The following SH3GL3 variants were observed in gnomAD, a reference collection of about 807,000 sequenced individuals.
SH3GL3 encodes the protein SH3 domain containing GRB2 like 3, endophilin A3, also known as endophilin-A3.
Under a neutral mutation model 47.7 loss-of-function variants are expected in SH3GL3, and 33 were observed. The observed-to-expected ratio is 0.69, with a 90% CI of 0.52 to 0.92. SH3GL3 has a LOEUF of 0.92. Among genes scored for constraint, SH3GL3 ranks in the 40% least tolerant of loss-of-function variants. The pLI is 0.00. For synonymous variants in SH3GL3, 155 were observed against 148.8 expected, an observed-to-expected ratio of 1.04 and a Z score of -0.30; for missense variants, 363 against 417.8, an observed-to-expected ratio of 0.87 and a Z score of 1.14.
rs191851483 is a variant in SH3GL3 at position 83,541,099 on chromosome 15, T to C, written c.46-18154T>C. Among the ~76,000 whole-genome samples, 555 of 152,240 alleles carry C rather than the reference T, an allele frequency of 3.6e-3. 2 individuals carry two copies. The highest frequency in any genetic ancestry group is 0.024 in the Middle Eastern group (7 of 294). On this transcript the variant is annotated intron_variant, in intron 1 of 8. Coordinates refer to ENST00000427482, the MANE Select transcript of SH3GL3 (RefSeq NM_003027.5). ...TAATGTCCTCCACTTCCATCTGTGT[T>C]GTTGCAAATGACAGGATCTCATTCT...
intron 6 of SH3GL3, among the ~76,000 whole-genome samples, chr15:83,584,181 C>T (rs1451712115): frequency 6.6e-6 from 1 of 152,158 alleles, no homozygotes; most frequent in Non-Finnish European, 1.5e-5. Flanking sequence ...TTTCTTGGCT[C>T]ATTCTTCGCT....
At chr15:83,519,977 C>T (rs571056387) in intron 1 of SH3GL3, among the ~76,000 whole-genome samples, 5 of 152,296 alleles carry the variant, frequency 3.3e-5, no homozygotes, top group African/African-American at 9.6e-5. Context: ...CTTAGTGTCA[C>T]GAATGTTGCC....
chr15:83,625,861 C>T, the SH3GL3 span, among the ~76,000 whole-genome samples: 1 of 151,962 alleles, frequency 6.6e-6, no homozygotes, highest in East Asian at 1.9e-4. Flanking sequence ...GAGATGGAGT[C>T]TTGCTCTGTC....
intron 3 of SH3GL3, among the ~76,000 whole-genome samples, chr15:83,567,968 T>C (rs1161571868): frequency 6.7e-6 from 1 of 149,658 alleles, no homozygotes; most frequent in Non-Finnish European, 1.5e-5. Context: ...TTTTTTTTTT[T>C]CTTTCTTTCT....
chr15:83,617,209 TGTCTGTAAATTCTG>T (rs1026407656), intron 8 of SH3GL3, among the ~76,000 whole-genome samples: 5 of 152,208 alleles, frequency 3.3e-5, no homozygotes, highest in Non-Finnish European at 7.3e-5. Context: ...TAAATATTCT[TGTCTGTAAATTCTG>T]GTCTGTAAAT....
intron 8 of SH3GL3, among the ~76,000 whole-genome samples, chr15:83,598,036 AT>A (rs2060277952): frequency 6.6e-6 from 1 of 152,138 alleles, no homozygotes; most frequent in African/African-American, 2.4e-5. Flanking sequence ...ACAACTTTTT[AT>A]TTGAGAGTGC....
At chr15:83,607,836 T>A (rs2060560138) in intron 8 of SH3GL3, among the ~76,000 whole-genome samples, 1 of 100,494 alleles carries the variant, frequency 1.0e-5, no homozygotes, top group Non-Finnish European at 2.1e-5. Flanking sequence ...GAACTCAGAG[T>A]GGCAAATAAT....
At chr15:83,471,904 A>G (rs778919428) in intron 1 of SH3GL3, among the ~76,000 whole-genome samples, 1 of 150,952 alleles carries the variant, frequency 6.6e-6, no homozygotes, top group Non-Finnish European at 1.5e-5. Flanking sequence ...TTTTTTTGAG[A>G]CAGAGTCTCG....
chr15:83,624,086 C>T, the SH3GL3 span, among the ~76,000 whole-genome samples: 2 of 152,188 alleles, frequency 1.3e-5, no homozygotes, highest in Admixed American at 6.5e-5. Context: ...TCCTGACAGG[C>T]ACATCTTCCA....
At chr15:83,528,218 A>G (rs777507235) in intron 1 of SH3GL3, among the ~76,000 whole-genome samples, 3 of 152,026 alleles carry the variant, frequency 2.0e-5, no homozygotes, top group Admixed American at 6.5e-5. Flanking sequence ...TTTTCTCTTG[A>G]TGTTTTTAGA....
At chr15:83,616,376 TC>T (rs1411828966) in intron 8 of SH3GL3, among the ~76,000 whole-genome samples, 2 of 149,922 alleles carry the variant, frequency 1.3e-5, no homozygotes, top group Non-Finnish European at 3.0e-5. Flanking sequence ...CCTCAGCCTC[TC>T]CAAGTAGCTG....
At chr15:83,493,539 TC>T (rs1303222689) in intron 1 of SH3GL3, among the ~76,000 whole-genome samples, 1 of 152,196 alleles carries the variant, frequency 6.6e-6, no homozygotes, top group African/African-American at 2.4e-5. Flanking sequence ...TTCATGGCCC[TC>T]CTCCATGCTG....
intron 1 of SH3GL3, among the ~76,000 whole-genome samples, chr15:83,513,941 T>C (rs575339035): frequency 4.3e-4 from 65 of 152,328 alleles, no homozygotes; most frequent in South Asian, 4.1e-4. Context: ...CAATTCACTT[T>C]AGGTTAGGAC....
At chr15:83,595,167 G>C (rs1472498626) in intron 8 of SH3GL3, among the ~76,000 whole-genome samples, 2 of 152,146 alleles carry the variant, frequency 1.3e-5, no homozygotes, top group African/African-American at 2.4e-5. Context: ...GACAGTACAC[G>C]GCCATAAAAA....
chr15:83,608,730 T>C (rs758441381), intron 8 of SH3GL3, among the ~76,000 whole-genome samples: 7 of 151,792 alleles, frequency 4.6e-5, no homozygotes, highest in Non-Finnish European at 1.0e-4. Context: ...CCAAATTGGG[T>C]TTCTACCCGC....
intron 1 of SH3GL3, among the ~76,000 whole-genome samples, chr15:83,531,859 TGAGA>T (rs138338504): frequency 1.4e-5 from 2 of 147,996 alleles, no homozygotes; most frequent in Admixed American, 6.8e-5. Flanking sequence ...AGAGACAGAA[TGAGA>T]GAGAGAGAGA....
chr15:83,628,349 GA>G, the SH3GL3 span, among the ~76,000 whole-genome samples: 1 of 152,094 alleles, frequency 6.6e-6, no homozygotes, highest in Non-Finnish European at 1.5e-5. Flanking sequence ...ATATGAAAGG[GA>G]AAAAGGACTA....
intron 1 of SH3GL3, among the ~76,000 whole-genome samples, chr15:83,512,080 G>A (rs182656799): frequency 4.0e-5 from 3 of 75,622 alleles, no homozygotes; most frequent in South Asian, 2.4e-4. Context: ...AGAAGGTAAG[G>A]GGGGCCTTGA....
chr15:83,625,972 A>G, the SH3GL3 span, among the ~76,000 whole-genome samples: 1 of 152,134 alleles, frequency 6.6e-6, no homozygotes, highest in African/African-American at 2.4e-5. Flanking sequence ...AGCCGGGATT[A>G]CAGGCACCCA....
Sources: allele counts gnomAD v4.1 joint callset (sites outside exome capture counted in the v4.1 genomes callset), GRCh38; gene constraint gnomAD v4.1.1; transcripts MANE v1.5; gene names NCBI Gene and HGNC (gene_info 2026-07-23, HGNC 2026-07-21).